SLC35F3: variants seen among roughly 807,000 people sequenced by gnomAD.
SLC35F3 encodes putative thiamine transporter SLC35F3.
SLC35F3 carries 25 observed loss-of-function variants against 49.9 expected under a neutral mutation model. That is an observed-to-expected ratio of 0.50 (90% CI 0.37 to 0.70). SLC35F3 has a LOEUF of 0.70. Among genes scored for constraint, SLC35F3 ranks in the 30% least tolerant of loss-of-function variants. SLC35F3 has a pLI of 0.00. For missense variants in SLC35F3, 525 were observed against 639.8 expected, an observed-to-expected ratio of 0.82 and a Z score of 1.94; for synonymous variants, 275 against 265.4, an observed-to-expected ratio of 1.04 and a Z score of -0.35.
At chr1:234,230,716 T>TG (rs1451914659) in intron 2 of SLC35F3, among the ~76,000 whole-genome samples, 1 of 152,206 alleles carries the variant, frequency 6.6e-6, no homozygotes, top group Non-Finnish European at 1.5e-5. Context: ...GGAGTGTCTG[T>TG]GGCCTTTCAC....
At chr1:234,226,815 C>T (rs1358454848) in intron 2 of SLC35F3, among the ~76,000 whole-genome samples, 6 of 152,110 alleles carry the variant, frequency 3.9e-5, no homozygotes, top group East Asian at 1.9e-4. Context: ...TTGCAGGTGG[C>T]GGGTTTATTG....
intron 2 of SLC35F3, among the ~76,000 whole-genome samples, chr1:234,032,520 C>T (rs1285869192): frequency 6.6e-6 from 1 of 152,124 alleles, no homozygotes; most frequent in Non-Finnish European, 1.5e-5. Context: ...TTCCACACTT[C>T]CCCCCGATCC....
intron 2 of SLC35F3, among the ~76,000 whole-genome samples, chr1:234,109,908 C>T (rs1422846021): frequency 2.0e-5 from 3 of 152,120 alleles, no homozygotes; most frequent in Admixed American, 6.5e-5. Context: ...TGGCGAGATG[C>T]CATGGCCAGG....
At chr1:234,298,097 A>G (rs948992344) in intron 3 of SLC35F3, among the ~76,000 whole-genome samples, 25 of 152,334 alleles carry the variant, frequency 1.6e-4, no homozygotes, top group African/African-American at 5.8e-4. Flanking sequence ...TACATTAAAT[A>G]TGCACTGCCT....
At chr1:233,971,717 CAAAAA>C (rs59905472) in intron 2 of SLC35F3, among the ~76,000 whole-genome samples, 1 of 117,400 alleles carries the variant, frequency 8.5e-6, no homozygotes. Flanking sequence ...GACTCCGACT[CAAAAA>C]AAAAAAAAAA....
Position 234,087,938 on chromosome 1 carries a change from G to T in SLC35F3, c.284-143479G>T, listed in dbSNP as rs139352109. ...GCCCTTCTTTATTCATTGTTCACGGGTCCTTTTCTTGACCCTTTCTAAAAC... is the reference window on the plus strand; with the variant it reads ...GCCCTTCTTTATTCATTGTTCACGGTTCCTTTTCTTGACCCTTTCTAAAAC... On this transcript the variant is annotated intron_variant, in intron 2 of 7. Transcript: ENST00000366618. 7.7e-3 allele frequency among the ~76,000 whole-genome samples: 1,174 copies of T among 152,268 alleles called. 53 individuals carry two copies. Among genetic ancestry groups the T allele is most frequent in the Admixed American group, 0.068 (1,037 of 15,292 alleles).
At chr1:234,251,809 A>G (rs1235220026) in intron 3 of SLC35F3, among the ~76,000 whole-genome samples, 1 of 152,138 alleles carries the variant, frequency 6.6e-6, no homozygotes, top group Non-Finnish European at 1.5e-5. Context: ...TACAGAAAGA[A>G]CTTTAGTACA....
chr1:233,928,863 G>C (rs1237542045), intron 2 of SLC35F3, among the ~76,000 whole-genome samples: 1 of 152,126 alleles, frequency 6.6e-6, no homozygotes, highest in Non-Finnish European at 1.5e-5. Flanking sequence ...AACTTACCCT[G>C]ATCTGATCTC....
intron 2 of SLC35F3, among the ~76,000 whole-genome samples, chr1:234,141,294 C>A (rs1185498222): frequency 6.6e-6 from 1 of 152,128 alleles, no homozygotes; most frequent in Non-Finnish European, 1.5e-5. Context: ...CAGTATGGCT[C>A]CAGCTCTACA....
At chr1:234,183,442 G>T (rs1666590236) in intron 2 of SLC35F3, among the ~76,000 whole-genome samples, 1 of 142,964 alleles carries the variant, frequency 7.0e-6, no homozygotes, top group Non-Finnish European at 1.5e-5. Context: ...TTTTACGTAT[G>T]TAAATATTTC....
chr1:234,127,712 TA>T (rs1438739512), intron 2 of SLC35F3, among the ~76,000 whole-genome samples: 1 of 151,460 alleles, frequency 6.6e-6, no homozygotes, highest in Admixed American at 6.6e-5. Context: ...AGCTGAGTAT[TA>T]AAAATATGAT....
chr1:234,029,810 C>T (rs903488026), intron 2 of SLC35F3, among the ~76,000 whole-genome samples: 4 of 151,918 alleles, frequency 2.6e-5, no homozygotes, highest in African/African-American at 7.3e-5. Context: ...TGCTGTGAGC[C>T]GTGATCATGC....
Position 234,214,472 on chromosome 1 carries a change from A to G in SLC35F3, c.284-16945A>G. The G allele has an allele frequency of 6.6e-7, 1 of 1,519,406 alleles. No individual in the cohort carries two copies. Among genetic ancestry groups the G allele is most frequent in the Admixed American group, 2.1e-5 (1 of 47,406 alleles). The allele number at this position is 1,519,406 out of a possible 1,614,324, so 94.1% of individuals were successfully genotyped here. A position where few individuals can be genotyped will look rare whatever the true frequency, so the allele number is the denominator to read the frequency against. On this transcript the variant is annotated intron_variant, in intron 2 of 7. Transcript: ENST00000366618. This position sits in a 1 kb window ranked among gnomAD's most constrained non-coding sequence, Gnocchi z 8.0. ...CCCCAGGATGTAGGCGATCGGCGGC[A>G]GCGCTCCTGCAGGCGGCCGGCTCAT...
chr1:234,267,578 C>T (rs1412045582), intron 3 of SLC35F3, among the ~76,000 whole-genome samples: 2 of 149,108 alleles, frequency 1.3e-5, no homozygotes, highest in African/African-American at 2.5e-5. Flanking sequence ...CCAGTAGGGG[C>T]GGCCGGGCAG....
chr1:234,193,334 A>G (rs1666757500), intron 2 of SLC35F3, among the ~76,000 whole-genome samples: 1 of 152,180 alleles, frequency 6.6e-6, no homozygotes, highest in South Asian at 2.1e-4. Context: ...ACAAAAACAT[A>G]AAGTGTGGAA....
rs755474992 is a variant in SLC35F3, at chr1:234,309,284, A to C, written c.792A>C (p.Ser264=). The change falls in exon 4 of 8, where the codon TCA becomes TCC. Residue 264 remains serine, a synonymous_variant. Transcript: ENST00000366618. The part of the protein sequence containing the change: ...CCNKAFVFLL[S]WIVLRDRFMG... ...ACAAAGCTTTTGTGTTCTTGCTCTC[A>C]TGGATCGTTCTCAGGGACAGATTCA... The C allele has an allele frequency of 6.2e-7, 1 of 1,614,098 alleles. No individual in the cohort carries two copies. Among genetic ancestry groups the C allele is most frequent in the Non-Finnish European group, 8.5e-7 (1 of 1,180,030 alleles).
At position 234,318,777 on chromosome 1, in the gene SLC35F3, T is replaced by C; in HGVS notation, c.981T>C (p.Ser327=). ...TTTTGTTCAAGCTCCTCCTGGGCAG[T>C]GCTAAGTTTGGAGAAGCCGCCTTAT... The part of the protein sequence containing the change: ...YKVLFKLLLG[S]AKFGEAALFL... Residue 327 remains serine (S), a synonymous_variant, in exon 6 of 8, where the codon AGT becomes AGC. Transcript: ENST00000366618. 6.2e-7 allele frequency: 1 copy of C among 1,614,158 alleles called. No individual in the cohort carries two copies. The highest frequency in any genetic ancestry group is 8.5e-7 in the Non-Finnish European group (1 of 1,180,000).
At chr1:234,252,024 T>G (rs1338960140) in intron 3 of SLC35F3, among the ~76,000 whole-genome samples, 3 of 151,954 alleles carry the variant, frequency 2.0e-5, no homozygotes, top group Admixed American at 2.0e-4. Flanking sequence ...CTTGTCTCAC[T>G]GTGGTACAAA....
rs1423347013 is a variant in SLC35F3 at position 233,957,189 on chromosome 1, T to G, written c.283+51431T>G. Among the ~76,000 whole-genome samples, 1 of 152,208 alleles carries G rather than the reference T, an allele frequency of 6.6e-6. No individual in the cohort carries two copies. The highest frequency in any genetic ancestry group is 1.5e-5 in the Non-Finnish European group (1 of 68,050). Reference sequence around the variant, plus strand: ...TCCAAGACCTGGATCACAGTCTAGTTTCCAGAGTGGGAGGAGATTGTTTTA... The same window carrying G: ...TCCAAGACCTGGATCACAGTCTAGTGTCCAGAGTGGGAGGAGATTGTTTTA... On this transcript the variant is annotated intron_variant, in intron 2 of 7. Coordinates refer to ENST00000366618, the MANE Select transcript of SLC35F3 (RefSeq NM_173508.4). This position sits in a 1 kb window ranked among gnomAD's most constrained non-coding sequence, Gnocchi z 4.0.
Sources: allele counts gnomAD v4.1 joint callset (sites outside exome capture counted in the v4.1 genomes callset), GRCh38; gene constraint gnomAD v4.1.1; non-coding constraint Gnocchi (gnomAD v3.1); transcripts MANE v1.5; gene names NCBI Gene and HGNC (gene_info 2026-07-23, HGNC 2026-07-21).